Variants in MYT1L observed in about 807,000 individuals in gnomAD.
MYT1L encodes the protein myelin transcription factor 1 like, also known as myelin transcription factor 1-like protein.
A neutral mutation model predicts 126.7 loss-of-function variants in MYT1L; 12 were observed. That is an observed-to-expected ratio of 0.09 (90% CI 0.06 to 0.15). MYT1L has a LOEUF of 0.15. Among genes scored for constraint, MYT1L ranks in the 10% least tolerant of loss-of-function variants. MYT1L has a pLI of 1.00. For missense variants in MYT1L, 979 were observed against 1,585.2 expected (o/e 0.62, Z 6.49); for synonymous variants, 541 against 604.2 (o/e 0.90, Z 1.53).
chr2:2,237,970 C>T (rs2094358647), intron 2 of MYT1L, among the ~76,000 whole-genome samples: 1 of 152,178 alleles, frequency 6.6e-6, no homozygotes, highest in South Asian at 2.1e-4. Context: ...GTGCAAACAC[C>T]ACAGGCTTTC....
At chr2:1,977,819 A>G (rs1028841258) in intron 8 of MYT1L, among the ~76,000 whole-genome samples, 1 of 152,240 alleles carries the variant, frequency 6.6e-6, no homozygotes, top group East Asian at 1.9e-4. Context: ...TTTTGAAAAC[A>G]TAAACAATGC....
intron 1 of MYT1L, among the ~76,000 whole-genome samples, chr2:2,297,267 G>A (rs2095709756): frequency 1.3e-5 from 2 of 152,194 alleles, no homozygotes; most frequent in Non-Finnish European, 2.9e-5. Context: ...TCTGATTTGA[G>A]TCATTTCTCC....
intron 3 of MYT1L, among the ~76,000 whole-genome samples, chr2:2,144,833 G>A (rs1447444730): frequency 2.0e-5 from 3 of 152,248 alleles, no homozygotes; most frequent in Non-Finnish European, 4.4e-5. Context: ...GTAAAATCCC[G>A]TTTACAACGT....
At chr2:1,816,990 C>T (rs1454469436) in intron 21 of MYT1L, 1 of 152,278 alleles carries the variant, frequency 6.6e-6, no homozygotes, top group Non-Finnish European at 1.5e-5. Context: ...CCACCTTGTC[C>T]TCAGCTCCCC....
At chr2:1,968,505 T>A (rs1164113808) in intron 8 of MYT1L, among the ~76,000 whole-genome samples, 1 of 152,202 alleles carries the variant, frequency 6.6e-6, no homozygotes, top group Non-Finnish European at 1.5e-5. Flanking sequence ...CATTAGATAA[T>A]ATTCACGGCC....
chr2:2,227,454 T>A (rs1225575695), intron 2 of MYT1L, among the ~76,000 whole-genome samples: 1 of 152,106 alleles, frequency 6.6e-6, no homozygotes. Context: ...CAGAAAGGTG[T>A]TTGACTGTGA....
At chr2:2,299,804 A>C (rs1021423642) in intron 1 of MYT1L, among the ~76,000 whole-genome samples, 5 of 152,208 alleles carry the variant, frequency 3.3e-5, no homozygotes, top group Admixed American at 6.5e-5. Flanking sequence ...TGTTTGAAAC[A>C]TCCAGTCCCA....
intron 4 of MYT1L, among the ~76,000 whole-genome samples, chr2:2,026,768 C>T (rs1558779619): frequency 6.6e-6 from 1 of 152,146 alleles, no homozygotes; most frequent in Non-Finnish European, 1.5e-5. Context: ...TCAGCCACCC[C>T]AGGGTGCTTT....
At chr2:2,177,369 T>C (rs576123616) in intron 2 of MYT1L, among the ~76,000 whole-genome samples, 7 of 152,194 alleles carry the variant, frequency 4.6e-5, no homozygotes, top group East Asian at 1.9e-4. Context: ...TTGTGGTAAA[T>C]AGGCAATCTA....
rs180992065 is a variant in MYT1L, at chr2:1,910,225, A to C, written c.1817+15T>G. 10,853 of 1,609,404 alleles carry C rather than the reference A, an allele frequency of 6.7e-3. 46 individuals are homozygous for C. The highest frequency in any genetic ancestry group is 7.6e-3 in the Non-Finnish European group (8,988 of 1,177,634). On this transcript the variant is annotated intron_variant, in intron 13 of 24. Coordinates refer to ENST00000647738, the MANE Select transcript of MYT1L (RefSeq NM_001303052.2). The surrounding 1 kb of genome is among the most constrained non-coding windows in gnomAD (Gnocchi z 4.8). ...TATGGATAGAGCTCACGGATGGTGC[A>C]CTCCTGCTGGGTACCTGAGCACGCG...
Position 2,083,364 on chromosome 2 carries a change from C to T in MYT1L, c.-303-29241G>A, listed in dbSNP as rs116703538. On this transcript the variant is annotated intron_variant, in intron 3 of 24. Coordinates refer to ENST00000647738, the MANE Select transcript of MYT1L (RefSeq NM_001303052.2). ...ACAGCTGGCAGCAGGATGGCCTGCA[C>T]ATGCGCAGGAATGGCCCCAATGAGC... Among the ~76,000 whole-genome samples the T allele has an allele frequency of 4.0e-3, 604 of 152,316 alleles. 2 individuals are homozygous for T. The highest frequency in any genetic ancestry group is 0.014 in the African/African-American group (583 of 41,580).
intron 18 of MYT1L, among the ~76,000 whole-genome samples, chr2:1,877,090 G>A (rs2148759965): frequency 6.6e-6 from 1 of 152,288 alleles, no homozygotes; most frequent in South Asian, 2.1e-4. Flanking sequence ...AAGCCCTTCA[G>A]CATCTAAGCT....
intron 5 of MYT1L, among the ~76,000 whole-genome samples, chr2:1,996,172 A>G (rs2061819113): frequency 6.6e-6 from 1 of 152,250 alleles, no homozygotes; most frequent in Non-Finnish European, 1.5e-5. Flanking sequence ...AAACCGGGCT[A>G]GGAGATGTGA....
intron 4 of MYT1L, among the ~76,000 whole-genome samples, chr2:2,049,392 G>A (rs970205380): frequency 6.6e-6 from 1 of 152,172 alleles, no homozygotes; most frequent in African/African-American, 2.4e-5. Flanking sequence ...ATATGGCTTT[G>A]TAGAGATAGT....
In MYT1L at chr2:2,055,326, G is replaced by A. The variant is rs146855307; in HGVS notation, c.-303-1203C>T. Among the ~76,000 whole-genome samples the A allele has an allele frequency of 2.7e-3, 411 of 152,206 alleles. 5 individuals are homozygous for A. The highest frequency in any genetic ancestry group is 9.6e-3 in the African/African-American group (400 of 41,532). ...GTTCAAAGGATAGCAAATAAGTTGT[G>A]ATTTCCACATAAAAGATTTTACAAG... On this transcript the variant is annotated intron_variant, in intron 3 of 24. Transcript: ENST00000647738.
chr2:2,009,927 G>A (rs751302074), intron 4 of MYT1L, among the ~76,000 whole-genome samples: 2 of 146,982 alleles, frequency 1.4e-5, no homozygotes, highest in Non-Finnish European at 1.5e-5. Flanking sequence ...TTCATGAAAG[G>A]GTGTTGAACT....
intron 3 of MYT1L, among the ~76,000 whole-genome samples, chr2:2,129,818 A>G (rs2082141855): frequency 6.6e-6 from 1 of 151,398 alleles, no homozygotes; most frequent in Admixed American, 6.6e-5. Flanking sequence ...AGGCAGGAGA[A>G]TGGCGTGAAC....
chr2:2,295,779 T>TAGAGAGACAGACAGACAGAGAGAGAGAG (rs2095681932), intron 1 of MYT1L, among the ~76,000 whole-genome samples: 1 of 36,476 alleles, frequency 2.7e-5, no homozygotes, highest in African/African-American at 1.1e-4. Context: ...GAGAGAGAGA[T>TAGAGAGACAGACAGACAGAGAGAGAGAG]AGAGAGACAG....
At chr2:2,295,677 G>GAC (rs2095671433) in intron 1 of MYT1L, among the ~76,000 whole-genome samples, 2 of 103,766 alleles carry the variant, frequency 1.9e-5, no homozygotes, top group Non-Finnish European at 4.2e-5. Context: ...GAGAGAGAGA[G>GAC]AGACAGACAG....
Sources: gnomAD v4.1 joint callset for allele counts (sites outside exome capture counted in the v4.1 genomes callset) on GRCh38, gnomAD v4.1.1 for gene constraint, Gnocchi (gnomAD v3.1) non-coding constraint, MANE v1.5 for transcripts, NCBI Gene and HGNC (gene_info 2026-07-23, HGNC 2026-07-21) for gene names.